Variants in CTNNA3 observed in about 807,000 individuals in gnomAD.
CTNNA3 encodes the protein catenin alpha-3.
A neutral mutation model predicts 95.7 loss-of-function variants in CTNNA3; 76 were observed. That is an observed-to-expected ratio of 0.79 (90% CI 0.66 to 0.96). The LOEUF is 0.96. Ranked by LOEUF, CTNNA3 falls within the 40% of genes least tolerant of loss-of-function variation. The pLI, the probability that CTNNA3 is intolerant of heterozygous loss-of-function variation, is 0.00. For synonymous variants in CTNNA3, 431 were observed against 374.4 expected (o/e 1.15, Z -1.74); for missense variants, 1,191 against 1,089.8 (o/e 1.09, Z -1.31).
At chr10:66,405,313 A>T (rs533903217) in intron 11 of CTNNA3, among the ~76,000 whole-genome samples, 1 of 152,296 alleles carries the variant, frequency 6.6e-6, no homozygotes, top group South Asian at 2.1e-4. Context: ...ATATTAAATA[A>T]GTGACCTGAT....
chr10:66,000,363 A>G (rs896400330), intron 15 of CTNNA3, among the ~76,000 whole-genome samples: 11 of 152,190 alleles, frequency 7.2e-5, no homozygotes, highest in Non-Finnish European at 1.3e-4. Context: ...ACAGGTGATC[A>G]GAAACAGGTC....
chr10:67,258,269 G>A (rs113692694), intron 5 of CTNNA3, among the ~76,000 whole-genome samples: 5,053 of 151,948 alleles, frequency 0.033, 191 homozygotes, highest in South Asian at 0.18. Context: ...TCAGCCTCCC[G>A]AGTAGCTGGG....
rs925557598 is a variant in CTNNA3, at chr10:67,574,470, G to A, written c.292+32387C>T. Among the ~76,000 whole-genome samples, 11 of 151,648 alleles carry A rather than the reference G, an allele frequency of 7.3e-5. No homozygotes were observed. The East Asian group carries it at 1.7e-3, about 24-fold the overall frequency. ...CCTGACCACTCTTTGTGTATAGTAAGACTAACAGCATCCATTCCACTTCCT... is the reference window on the plus strand; with the variant it reads ...CCTGACCACTCTTTGTGTATAGTAAAACTAACAGCATCCATTCCACTTCCT... On this transcript the variant is annotated intron_variant, in intron 3 of 17. Transcript: ENST00000433211.
intron 13 of CTNNA3, among the ~76,000 whole-genome samples, chr10:66,180,550 T>G (rs1453221869): frequency 6.6e-6 from 1 of 152,040 alleles, no homozygotes. Context: ...CCAGAATACA[T>G]CTCAAAAAGT....
chr10:67,144,371 G>C (rs1014580754), intron 7 of CTNNA3, among the ~76,000 whole-genome samples: 28 of 152,200 alleles, frequency 1.8e-4, no homozygotes, highest in Non-Finnish European at 4.4e-5. Context: ...TAACAAAAGA[G>C]TTAGCCTGTC....
intron 7 of CTNNA3, among the ~76,000 whole-genome samples, chr10:66,900,266 T>C (rs1006145322): frequency 7.9e-5 from 12 of 152,124 alleles, no homozygotes; most frequent in Admixed American, 1.3e-4. Flanking sequence ...CCAACAGACC[T>C]GCAGCTGAGG....
At chr10:66,684,820 G>A (rs886178266) in intron 9 of CTNNA3, among the ~76,000 whole-genome samples, 4 of 152,044 alleles carry the variant, frequency 2.6e-5, no homozygotes, top group African/African-American at 9.7e-5. Context: ...AAAATAGAAT[G>A]TTGGCACCGG....
intron 7 of CTNNA3, among the ~76,000 whole-genome samples, chr10:67,163,688 T>C (rs181311847): frequency 6.6e-6 from 1 of 152,056 alleles, no homozygotes; most frequent in Non-Finnish European, 1.5e-5. Context: ...AAACTATTCC[T>C]ACTATCTATA....
At chr10:66,667,391 C>A (rs1846494630) in intron 9 of CTNNA3, among the ~76,000 whole-genome samples, 1 of 152,076 alleles carries the variant, frequency 6.6e-6, no homozygotes, top group African/African-American at 2.4e-5. Flanking sequence ...TTTGCAGAAA[C>A]AACGTTAAGA....
chr10:67,144,383 T>A (rs1430043286), intron 7 of CTNNA3, among the ~76,000 whole-genome samples: 1 of 152,208 alleles, frequency 6.6e-6, no homozygotes, highest in Non-Finnish European at 1.5e-5. Context: ...TAGCCTGTCC[T>A]TTGGAGCTTT....
At chr10:66,776,936 A>G (rs1840326815) in intron 7 of CTNNA3, among the ~76,000 whole-genome samples, 2 of 152,172 alleles carry the variant, frequency 1.3e-5, no homozygotes, top group South Asian at 4.1e-4. Context: ...AGAGTTGACT[A>G]GACTATAAAT....
chr10:66,615,130 A>G (rs1844465078), intron 10 of CTNNA3, among the ~76,000 whole-genome samples: 1 of 151,986 alleles, frequency 6.6e-6, no homozygotes, highest in Non-Finnish European at 1.5e-5. Flanking sequence ...CTATGGGCCC[A>G]GGACTCAGCA....
chr10:67,749,975 A>G (rs1051175305), intron 1 of CTNNA3, among the ~76,000 whole-genome samples: 7 of 152,130 alleles, frequency 4.6e-5, no homozygotes, highest in African/African-American at 1.7e-4. Flanking sequence ...ACTCTTCACA[A>G]TAAATTTGCT....
chr10:67,164,180 T>C (rs867693962), intron 7 of CTNNA3, among the ~76,000 whole-genome samples: 2 of 152,078 alleles, frequency 1.3e-5, no homozygotes, highest in Middle Eastern at 6.8e-3. Flanking sequence ...AAATAGGAAA[T>C]TAATAGGAAT....
At chr10:66,532,242 C>G (rs754896707) in intron 10 of CTNNA3, among the ~76,000 whole-genome samples, 1 of 152,184 alleles carries the variant, frequency 6.6e-6, no homozygotes, top group African/African-American at 2.4e-5. Flanking sequence ...GGAGGTGGAT[C>G]ACAAGGTCAG....
intron 7 of CTNNA3, among the ~76,000 whole-genome samples, chr10:67,087,884 G>T (rs1857396783): frequency 6.6e-6 from 1 of 151,912 alleles, no homozygotes; most frequent in African/African-American, 2.4e-5. Flanking sequence ...CACATATAGT[G>T]CTTAATAAGT....
At chr10:67,557,151 T>C (rs961366153) in intron 3 of CTNNA3, among the ~76,000 whole-genome samples, 1 of 152,198 alleles carries the variant, frequency 6.6e-6, no homozygotes. Context: ...CAGGCTTCAA[T>C]GGCTAACCTT....
chr10:67,489,940 T>C (rs10823048), intron 5 of CTNNA3, among the ~76,000 whole-genome samples: 10,953 of 152,138 alleles, frequency 0.072, 480 homozygotes, highest in South Asian at 0.14. Context: ...CATGTAATAT[T>C]TGTCTTTTTG....
At chr10:66,912,103 A>G (rs1247781271) in intron 7 of CTNNA3, among the ~76,000 whole-genome samples, 1 of 152,194 alleles carries the variant, frequency 6.6e-6, no homozygotes. Flanking sequence ...ACAGGCCCAT[A>G]CTGCATCATC....
Sources: allele counts gnomAD v4.1 joint callset (sites outside exome capture counted in the v4.1 genomes callset), GRCh38; gene constraint gnomAD v4.1.1; transcripts MANE v1.5; gene names NCBI Gene and HGNC (gene_info 2026-07-23, HGNC 2026-07-21).